STK3: variants seen among roughly 807,000 people sequenced by gnomAD.
The protein encoded by STK3 is serine/threonine kinase 3, also known as serine/threonine-protein kinase 3.
A neutral mutation model predicts 58.0 loss-of-function variants in STK3; 41 were observed. The ratio of observed to expected loss-of-function variants is 0.71; its 90% confidence interval spans 0.55 to 0.92. The LOEUF is 0.92. STK3 is among the 40% of genes least tolerant of loss of function. STK3 has a pLI of 0.00. For synonymous variants in STK3, 170 were observed against 191.0 expected (o/e 0.89, Z 0.91); for missense variants, 479 against 602.7 (o/e 0.79, Z 2.15).
rs1408409964 is a variant in STK3 at position 98,690,989 on chromosome 8, A to G, written c.684+15478T>C. ...AACCAAACACTGCATGTTCTTACTT[A>G]TAAGTGGGGGCTGACTACTGGGTTC... On this transcript the variant is annotated intron_variant, in intron 6 of 10. Coordinates refer to ENST00000419617, the MANE Select transcript of STK3 (RefSeq NM_006281.4). Among the ~76,000 whole-genome samples the G allele has an allele frequency of 3.3e-5, 5 of 152,334 alleles. No individual in the cohort carries two copies. In the South Asian group the frequency reaches 1.0e-3, roughly 32 times the overall value.
At chr8:98,653,394 T>C (rs1167758488) in intron 6 of STK3, among the ~76,000 whole-genome samples, 2 of 151,954 alleles carry the variant, frequency 1.3e-5, no homozygotes, top group African/African-American at 4.8e-5. Context: ...AGATCCAAAA[T>C]TGACACCCTA....
chr8:98,628,280 C>T (rs989192690), intron 6 of STK3, among the ~76,000 whole-genome samples: 1 of 152,198 alleles, frequency 6.6e-6, no homozygotes, highest in Admixed American at 6.5e-5. Context: ...CCAGGCTCAT[C>T]TCTTACCATT....
At chr8:98,832,021 A>G (rs1347330942) in intron 3 of STK3, among the ~76,000 whole-genome samples, 5 of 152,112 alleles carry the variant, frequency 3.3e-5, no homozygotes, top group Non-Finnish European at 7.3e-5. Context: ...TAATTCTTCA[A>G]TTTACTTCCA....
rs200125566 is a variant in STK3, at chr8:98,553,953, A to AG, written c.949-5793dup. 9.6e-3 allele frequency among the ~76,000 whole-genome samples: 1,454 copies of AG among 151,954 alleles called. 11 individuals carry two copies. The highest frequency in any genetic ancestry group is 0.014 in the Non-Finnish European group (941 of 67,950). On this transcript the variant is annotated intron_variant, in intron 8 of 10. Transcript: ENST00000419617. The stretch of plus-strand genomic sequence containing the variant: ...GAGACAGAGTGAGACTCCATCCCAA[A>AG]GGGAAAAAAAAAAAAAGTCTCTTAT...
At chr8:98,690,994 T>C (rs375974033) in intron 6 of STK3, among the ~76,000 whole-genome samples, 1 of 152,084 alleles carries the variant, frequency 6.6e-6, no homozygotes, top group African/African-American at 2.4e-5. Context: ...TACTTATAAG[T>C]GGGGGCTGAC....
intron 6 of STK3, among the ~76,000 whole-genome samples, chr8:98,701,216 G>A (rs143200509): frequency 7.6e-4 from 115 of 151,822 alleles, no homozygotes; most frequent in Middle Eastern, 6.8e-3. Flanking sequence ...GAAAAGAAAG[G>A]AAAGGAAAAA....
intron 1 of STK3, among the ~76,000 whole-genome samples, chr8:98,939,486 C>T (rs1031579816): frequency 6.6e-6 from 1 of 152,212 alleles, no homozygotes; most frequent in Non-Finnish European, 1.5e-5. Flanking sequence ...TAGAGGGTAA[C>T]TCGGACCTAT....
downstream of STK3, chr8:98,883,209 C>G (rs1055772614): frequency 6.5e-6 from 1 of 154,008 alleles, no homozygotes; most frequent in Admixed American, 6.4e-5. Flanking sequence ...TCCTGTTTTC[C>G]CTCTACTGTT....
At chr8:98,768,225 G>T (rs942455190) in intron 2 of STK3, among the ~76,000 whole-genome samples, 1 of 151,984 alleles carries the variant, frequency 6.6e-6, no homozygotes, top group Non-Finnish European at 1.5e-5. Flanking sequence ...CACTATTATC[G>T]TCATTAAAAG....
At chr8:98,358,790 A>C in the STK3 span, among the ~76,000 whole-genome samples, 2 of 152,176 alleles carry the variant, frequency 1.3e-5, no homozygotes, top group African/African-American at 2.4e-5. Flanking sequence ...TTGGCACCAA[A>C]AATGGTGCTG....
intron 6 of STK3, among the ~76,000 whole-genome samples, chr8:98,667,966 TAATC>T (rs1822496465): frequency 6.6e-6 from 1 of 152,140 alleles, no homozygotes; most frequent in South Asian, 2.1e-4. Context: ...ATATAAAAGT[TAATC>T]AATGCTTAAA....
intron 10 of STK3, among the ~76,000 whole-genome samples, chr8:98,461,940 G>C (rs921968012): frequency 1.8e-4 from 24 of 135,162 alleles, no homozygotes; most frequent in African/African-American, 6.2e-4. Context: ...GAATCTCCTA[G>C]AAGTTCTTTT....
chr8:98,919,777 A>G (rs1839485306), intron 1 of STK3, among the ~76,000 whole-genome samples: 1 of 151,976 alleles, frequency 6.6e-6, no homozygotes, highest in Admixed American at 6.5e-5. Context: ...AGAATTTTCC[A>G]TGATAAAAAA....
chr8:98,926,589 T>C (rs1452065109), intron 1 of STK3, among the ~76,000 whole-genome samples: 2 of 151,850 alleles, frequency 1.3e-5, no homozygotes, highest in Non-Finnish European at 2.9e-5. Context: ...AATGCAGTAA[T>C]ATGGACAGGG....
chr8:98,399,797 T>C (rs1025530204), downstream of STK3, among the ~76,000 whole-genome samples: 2 of 152,122 alleles, frequency 1.3e-5, no homozygotes, highest in African/African-American at 4.8e-5. Context: ...CAGTAGAGAA[T>C]GGGGTGTGGC....
upstream of STK3, among the ~76,000 whole-genome samples, chr8:98,826,386 C>T (rs1194386299): frequency 6.6e-6 from 1 of 152,196 alleles, no homozygotes; most frequent in Admixed American, 6.5e-5. Context: ...GGACAAGCTC[C>T]TCGCTACATT....
chr8:98,809,857 G>A (rs562703830), intron 1 of STK3, among the ~76,000 whole-genome samples: 19 of 152,236 alleles, frequency 1.2e-4, no homozygotes, highest in East Asian at 3.9e-4. Context: ...GCATTAATCC[G>A]TTCTGGCGCT....
chr8:98,700,173 T>C (rs1825429207), intron 6 of STK3, among the ~76,000 whole-genome samples: 2 of 152,156 alleles, frequency 1.3e-5, no homozygotes. Context: ...CTGATCCAAG[T>C]GCGGGATATA....
intron 3 of STK3, among the ~76,000 whole-genome samples, chr8:98,878,195 G>C (rs1837631640): frequency 6.6e-6 from 1 of 151,926 alleles, no homozygotes; most frequent in African/African-American, 2.4e-5. Flanking sequence ...TGGGATTACA[G>C]GTGTGAGCCA....
Sources: allele counts gnomAD v4.1 joint callset (sites outside exome capture counted in the v4.1 genomes callset), GRCh38; gene constraint gnomAD v4.1.1; transcripts MANE v1.5; gene names NCBI Gene and HGNC (gene_info 2026-07-23, HGNC 2026-07-21).